Variants in SLC29A3 observed in about 807,000 individuals in gnomAD.
SLC29A3 encodes the protein solute carrier family 29 member 3.
In SLC29A3, 18 loss-of-function variants were observed where a neutral mutation model predicts 25.4. That is an observed-to-expected ratio of 0.71 (90% CI 0.49 to 1.05). The LOEUF is 1.05. Among genes scored for constraint, SLC29A3 ranks in the 50% least tolerant of loss-of-function variants. The pLI, the probability that SLC29A3 is intolerant of heterozygous loss-of-function variation, is 0.00. For missense variants in SLC29A3, 586 were observed against 609.0 expected (o/e 0.96, Z 0.40); for synonymous variants, 258 against 267.1 (o/e 0.97, Z 0.33).
At chr10:71,363,518 C>T (rs559833423), downstream of SLC29A3, 13 of 365,714 alleles carry the variant, frequency 3.6e-5, no homozygotes, top group Non-Finnish European at 5.9e-5. Context: ...GGCTGGAGTG[C>T]AGTGGCTCGA....
At chr10:71,372,985 G>A (rs1847222848) in intron 3 of SLC29A3, among the ~76,000 whole-genome samples, 2 of 152,156 alleles carry the variant, frequency 1.3e-5, no homozygotes, top group Admixed American at 1.3e-4. Flanking sequence ...GCTGGAAGGC[G>A]CTGTGATCTC....
intron 3 of SLC29A3, among the ~76,000 whole-genome samples, chr10:71,349,315 CT>C (rs1456412756): frequency 1.3e-5 from 2 of 152,142 alleles, no homozygotes; most frequent in Non-Finnish European, 2.9e-5. Context: ...TGCACCACCC[CT>C]GGGCTCCGTG....
At chr10:71,364,267 C>G (rs760127982), downstream of SLC29A3, 1 of 152,172 alleles carries the variant, frequency 6.6e-6, no homozygotes, top group Non-Finnish European at 1.5e-5. Context: ...CACTGAAGCT[C>G]TGAAGCTTTG....
rs751891503 is a variant in SLC29A3 at position 71,362,349 on chromosome 10, T to C, written c.1169T>C (p.Ile390Thr). Residue 390 changes from isoleucine to threonine, a missense_variant, in exon 6 of 6, where the codon ATC (isoleucine) becomes ACC (threonine). Physicochemically the swap from Ile to Thr is moderately conservative, Grantham distance 89. Transcript: ENST00000373189. ...TTCGTGCTCCTCCGGACCTGCCTCA[T>C]CCCCCTCTTCGTGCTCTGTAACTAC... Reference protein sequence around the residue: ...PGFVLLRTCLIPLFVLCNYQP... With the variant: ...PGFVLLRTCLTPLFVLCNYQP... The C allele has an allele frequency of 6.8e-6, 11 of 1,614,060 alleles. 1 individual carries two copies. Among genetic ancestry groups the C allele is most frequent in the Middle Eastern group, 1.6e-4 (1 of 6,062 alleles).
intron 5 of SLC29A3, among the ~76,000 whole-genome samples, chr10:71,360,610 TAGG>T (rs1196815581): frequency 6.6e-6 from 1 of 152,230 alleles, no homozygotes; most frequent in Non-Finnish European, 1.5e-5. Flanking sequence ...TAGTACCTAT[TAGG>T]AGAGCAGTTT....
intron 3 of SLC29A3, among the ~76,000 whole-genome samples, chr10:71,344,793 C>G (rs184062208): frequency 1.6e-3 from 237 of 152,322 alleles, no homozygotes; most frequent in African/African-American, 5.5e-3. Flanking sequence ...ATTAGCATGT[C>G]CATAGACCCC....
intron 2 of SLC29A3, among the ~76,000 whole-genome samples, chr10:71,333,538 CAG>C (rs1335915729): frequency 6.6e-6 from 1 of 152,246 alleles, no homozygotes; most frequent in Non-Finnish European, 1.5e-5. Flanking sequence ...TTTTCTACTA[CAG>C]AGAGAGGCTG....
At chr10:71,346,118 C>A (rs1239071603) in intron 3 of SLC29A3, among the ~76,000 whole-genome samples, 1 of 152,182 alleles carries the variant, frequency 6.6e-6, no homozygotes, top group Non-Finnish European at 1.5e-5. Context: ...ACCACAGGGG[C>A]ACCATGGGAC....
intron 4 of SLC29A3, among the ~76,000 whole-genome samples, chr10:71,355,625 C>T (rs1261177444): frequency 2.0e-5 from 3 of 152,130 alleles, no homozygotes; most frequent in Non-Finnish European, 4.4e-5. Context: ...GAGGACAGTC[C>T]CTGAGCCTCC....
chr10:71,329,758 A>G (rs949099150), intron 2 of SLC29A3, among the ~76,000 whole-genome samples: 1 of 152,228 alleles, frequency 6.6e-6, no homozygotes, highest in Non-Finnish European at 1.5e-5. Context: ...TTCAAGTAAA[A>G]TGTTACCACA....
intron 3 of SLC29A3, among the ~76,000 whole-genome samples, chr10:71,369,240 G>T (rs902681096): frequency 3.9e-5 from 6 of 152,204 alleles, no homozygotes; most frequent in Non-Finnish European, 7.3e-5. Flanking sequence ...AATTTCTATT[G>T]TATAGAAGCC....
intron 2 of SLC29A3, among the ~76,000 whole-genome samples, chr10:71,343,300 T>G (rs948644292): frequency 6.6e-6 from 1 of 152,196 alleles, no homozygotes; most frequent in Non-Finnish European, 1.5e-5. Context: ...TATTAAGAGA[T>G]AATGCACACA....
chr10:71,378,096 G>GT (rs1491281596), intron 4 of SLC29A3, among the ~76,000 whole-genome samples: 1 of 21,274 alleles, frequency 4.7e-5, no homozygotes, highest in African/African-American at 1.2e-4. Context: ...AGACAATGTT[G>GT]GGGGGGGGGG....
intron 2 of SLC29A3, among the ~76,000 whole-genome samples, chr10:71,331,237 G>C (rs1846110748): frequency 6.6e-6 from 1 of 152,208 alleles, no homozygotes; most frequent in Non-Finnish European, 1.5e-5. Context: ...AGGATGGAAA[G>C]TTTGTCCTTG....
chr10:71,328,216 A>G lies in SLC29A3; in HGVS notation c.300+5162A>G, dbSNP rs537445598. ...AGCAGGGCTGGGACCCGGGCTAGGCACTCTACTGATGCCCCTGTCCATCCC... is the reference window on the plus strand; with the variant it reads ...AGCAGGGCTGGGACCCGGGCTAGGCGCTCTACTGATGCCCCTGTCCATCCC... On this transcript the variant is annotated intron_variant, in intron 2 of 5. Coordinates refer to ENST00000373189, the MANE Select transcript of SLC29A3 (RefSeq NM_018344.6). Among the ~76,000 whole-genome samples, 6 of 152,020 alleles carry G rather than the reference A, an allele frequency of 3.9e-5. No homozygotes were observed. In the South Asian group the frequency reaches 1.0e-3, roughly 26 times the overall value.
chr10:71,364,386 G>A (rs111509779), downstream of SLC29A3: 1 of 152,174 alleles, frequency 6.6e-6, no homozygotes, highest in Admixed American at 6.5e-5. Flanking sequence ...TATCTGGGGG[G>A]GCTGTGGCCC....
chr10:71,380,546 TG>T (rs1333410488), exon 5 of SLC29A3: 2 of 152,258 alleles, frequency 1.3e-5, no homozygotes, highest in Non-Finnish European at 2.9e-5. Flanking sequence ...GACTTCCCTC[TG>T]TTCCCTCCAT....
At chr10:71,368,620 A>AT (rs1013943721) in intron 3 of SLC29A3, among the ~76,000 whole-genome samples, 46 of 151,034 alleles carry the variant, frequency 3.0e-4, no homozygotes, top group African/African-American at 9.7e-4. Flanking sequence ...AGGCTGTTTC[A>AT]TTTTTTTTTC....
chr10:71,365,788 C>T (rs536353237), downstream of SLC29A3: 52 of 152,144 alleles, frequency 3.4e-4, 1 homozygote, highest in African/African-American at 1.2e-3. Flanking sequence ...TCTCAAGTCT[C>T]ATGTGAACCC....
Sources: gnomAD v4.1 joint callset for allele counts (sites outside exome capture counted in the v4.1 genomes callset) on GRCh38, gnomAD v4.1.1 for gene constraint, MANE v1.5 for transcripts, NCBI Gene and HGNC (gene_info 2026-07-23, HGNC 2026-07-21) for gene names.